FER: variants seen among roughly 807,000 people sequenced by gnomAD.
The protein encoded by FER is tyrosine-protein kinase Fer.
Under a neutral mutation model 111.0 loss-of-function variants are expected in FER, and 63 were observed. The observed-to-expected ratio is 0.57, with a 90% confidence interval of 0.46 to 0.70. The LOEUF (loss-of-function observed/expected upper bound fraction) is 0.70, where lower values mean the gene tolerates loss of function less well. Among genes scored for constraint, FER ranks in the 30% least tolerant of loss-of-function variants. The pLI is 0.00. For synonymous variants in FER, 327 were observed against 313.9 expected (o/e 1.04, Z -0.44); for missense variants, 914 against 954.0 (o/e 0.96, Z 0.55).
intron 3 of FER, among the ~76,000 whole-genome samples, chr5:108,831,221 T>G (rs1760010697): frequency 6.6e-6 from 1 of 152,212 alleles, no homozygotes; most frequent in Admixed American, 6.5e-5. Context: ...AGAATATTTA[T>G]TTTTTGAAGA....
At chr5:109,026,308 G>T (rs1768728658) in intron 13 of FER, among the ~76,000 whole-genome samples, 1 of 152,056 alleles carries the variant, frequency 6.6e-6, no homozygotes, top group Admixed American at 6.6e-5. Context: ...GAACCATTTG[G>T]GAAGAAAGTA....
At chr5:108,780,697 C>A (rs895422909) in intron 2 of FER, among the ~76,000 whole-genome samples, 5 of 151,950 alleles carry the variant, frequency 3.3e-5, no homozygotes, top group African/African-American at 1.2e-4. Context: ...GTGAAATTGT[C>A]ATTTATTATT....
intron 3 of FER, among the ~76,000 whole-genome samples, chr5:108,830,203 C>G (rs1467210363): frequency 6.6e-6 from 1 of 152,094 alleles, no homozygotes; most frequent in East Asian, 1.9e-4. Flanking sequence ...CCTGCAATCC[C>G]AGAACTTTGG....
intron 1 of FER, among the ~76,000 whole-genome samples, chr5:108,757,584 T>C (rs1179552068): frequency 6.6e-6 from 1 of 152,198 alleles, no homozygotes; most frequent in African/African-American, 2.4e-5. Context: ...AACATTTTCA[T>C]TGAGTGTTCC....
intron 13 of FER, among the ~76,000 whole-genome samples, chr5:108,987,714 G>T (rs576233993): frequency 3.3e-5 from 5 of 152,094 alleles, no homozygotes; most frequent in African/African-American, 1.2e-4. Flanking sequence ...GGGTTTTCTA[G>T]GTATACAATC....
chr5:108,834,906 T>C (rs13181901), intron 4 of FER, among the ~76,000 whole-genome samples: 8,675 of 152,214 alleles, frequency 0.057, 341 homozygotes, highest in Non-Finnish European at 0.082. Context: ...ATCTTCCAAG[T>C]TGCTGATAAC....
At chr5:108,920,443 T>A (rs1163059430) in intron 10 of FER, among the ~76,000 whole-genome samples, 1 of 152,144 alleles carries the variant, frequency 6.6e-6, no homozygotes, top group East Asian at 1.9e-4. Flanking sequence ...GGTCACTTCA[T>A]ACAATAAAGT....
intron 8 of FER, among the ~76,000 whole-genome samples, chr5:108,877,144 C>A (rs1469954742): frequency 6.6e-6 from 1 of 152,154 alleles, no homozygotes; most frequent in African/African-American, 2.4e-5. Context: ...TCAAATACTT[C>A]ACTACTCCAT....
intron 17 of FER, among the ~76,000 whole-genome samples, chr5:109,159,410 C>T (rs537206977): frequency 1.3e-3 from 191 of 151,886 alleles, no homozygotes; most frequent in African/African-American, 4.5e-3. Flanking sequence ...TGCTAGAACT[C>T]CCACAGTAAC....
At chr5:109,026,740 C>T (rs1409891900) in intron 13 of FER, among the ~76,000 whole-genome samples, 5 of 151,924 alleles carry the variant, frequency 3.3e-5, no homozygotes, top group Non-Finnish European at 7.4e-5. Flanking sequence ...GTACAGTGGC[C>T]CAATCTTGGC....
In FER at chr5:109,102,208, TC is replaced by T. The variant is rs543688499; in HGVS notation, c.2048+1692del. Among the ~76,000 whole-genome samples, 13 of 152,282 alleles carry T rather than the reference TC, an allele frequency of 8.5e-5. No homozygotes were observed. In the South Asian group the frequency reaches 2.7e-3, roughly 32 times the overall value. Reference sequence around the variant, plus strand: ...ATATTATCTGCTGTAATGTTGTTTTTCCCACTTTGCTTTTTAAGAATTTTCA... The same window carrying T: ...ATATTATCTGCTGTAATGTTGTTTTTCCACTTTGCTTTTTAAGAATTTTCA... On this transcript the variant is annotated intron_variant, in intron 17 of 19. Coordinates refer to ENST00000281092, the MANE Select transcript of FER (RefSeq NM_005246.4).
intron 10 of FER, among the ~76,000 whole-genome samples, chr5:108,926,530 A>G (rs1753763336): frequency 1.3e-5 from 2 of 152,212 alleles, no homozygotes; most frequent in South Asian, 4.1e-4. Context: ...GAAATTTTAA[A>G]ACAATTCAAC....
intron 9 of FER, among the ~76,000 whole-genome samples, chr5:108,892,344 TA>T (rs1445317945): frequency 1.3e-5 from 2 of 152,196 alleles, no homozygotes; most frequent in Non-Finnish European, 2.9e-5. Flanking sequence ...CCTGACTTTT[TA>T]ATGATTGCCA....
intron 16 of FER, among the ~76,000 whole-genome samples, chr5:109,050,884 C>T (rs964664719): frequency 1.3e-5 from 2 of 152,058 alleles, no homozygotes; most frequent in African/African-American, 4.8e-5. Context: ...GTTGAAAAGA[C>T]CTAAGATGTT....
At chr5:108,891,126 A>T (rs958800734) in intron 9 of FER, among the ~76,000 whole-genome samples, 1 of 152,080 alleles carries the variant, frequency 6.6e-6, no homozygotes, top group Non-Finnish European at 1.5e-5. Context: ...CTAATGAATG[A>T]TGTTCTGGAA....
rs1020876303 is a variant in FER, at chr5:109,124,914, C to T, written c.2048+24395C>T. Among the ~76,000 whole-genome samples the T allele has an allele frequency of 3.3e-5, 5 of 151,724 alleles. No individual in the cohort carries two copies. In the South Asian group the frequency reaches 6.3e-4, roughly 19 times the overall value. ...ACAAAAAATTAGCCAGGCGTAGTGG[C>T]GGGCACCTGTAGTCCCAGCTACTCG... is the stretch of plus-strand genomic sequence containing the variant. On this transcript the variant is annotated intron_variant, in intron 17 of 19. Transcript: ENST00000281092.
chr5:108,771,175 C>T (rs1022336301), intron 2 of FER, among the ~76,000 whole-genome samples: 1 of 151,994 alleles, frequency 6.6e-6, no homozygotes, highest in African/African-American at 2.4e-5. Flanking sequence ...CCCTTGTGAT[C>T]CACCTGCCTC....
chr5:109,147,124 TC>T (rs1192281805), intron 17 of FER, among the ~76,000 whole-genome samples: 1 of 151,440 alleles, frequency 6.6e-6, no homozygotes, highest in African/African-American at 2.4e-5. Flanking sequence ...TACTCAGACT[TC>T]TCAAAAAAAA....
rs190759493 is a variant in FER at position 108,909,274 on chromosome 5, T to A, written c.1236+11426T>A. Reference sequence around the variant, plus strand: ...CAGATGAATTTTAAATCCTTTTTTTTATTATAGTATTGTGCAGAAAGTTGT... The same window carrying A: ...CAGATGAATTTTAAATCCTTTTTTTAATTATAGTATTGTGCAGAAAGTTGT... On this transcript the variant is annotated intron_variant, in intron 10 of 19. Transcript: ENST00000281092. Among the ~76,000 whole-genome samples the A allele has an allele frequency of 5.6e-3, 860 of 152,330 alleles. 10 individuals carry two copies. The highest frequency in any genetic ancestry group is 0.02 in the African/African-American group (816 of 41,568).
Sources: allele counts gnomAD v4.1 joint callset (sites outside exome capture counted in the v4.1 genomes callset), GRCh38; gene constraint gnomAD v4.1.1; transcripts MANE v1.5; gene names NCBI Gene and HGNC (gene_info 2026-07-23, HGNC 2026-07-21).